The following KLF12 variants were observed in gnomAD, a reference collection of about 807,000 sequenced individuals.
KLF12 encodes the protein Krueppel-like factor 12.
In KLF12, 9 loss-of-function variants were observed where a neutral mutation model predicts 37.8. The ratio of observed to expected loss-of-function variants is 0.24; its 90% CI spans 0.14 to 0.42. The LOEUF (loss-of-function observed/expected upper bound fraction) is 0.42, where lower values mean the gene tolerates loss of function less well. Ranked by LOEUF, KLF12 falls within the 10% of genes least tolerant of loss-of-function variation. KLF12 has a pLI of 1.00. For synonymous variants in KLF12, 208 were observed against 202.1 expected, an observed-to-expected ratio of 1.03 and a Z score of -0.25; for missense variants, 411 against 516.0, an observed-to-expected ratio of 0.80 and a Z score of 1.97.
intron 3 of KLF12, among the ~76,000 whole-genome samples, chr13:73,888,866 C>T (rs1887359646): frequency 6.6e-6 from 1 of 152,152 alleles, no homozygotes; most frequent in African/African-American, 2.4e-5. Flanking sequence ...ATGGAGGCTC[C>T]ACTGCATTTG....
intron 1 of KLF12, among the ~76,000 whole-genome samples, chr13:74,078,195 G>A (rs890997241): frequency 1.3e-5 from 2 of 152,160 alleles, no homozygotes; most frequent in African/African-American, 4.8e-5. Flanking sequence ...TAATCAGGAG[G>A]AGTGCGCATT....
chr13:74,240,944 C>T, the KLF12 span, among the ~76,000 whole-genome samples: 7 of 150,448 alleles, frequency 4.7e-5, no homozygotes, highest in South Asian at 1.1e-3. Context: ...TCTCTCAGCT[C>T]GTCAAAGTCA....
intron 1 of KLF12, among the ~76,000 whole-genome samples, chr13:74,077,032 T>C (rs909574799): frequency 2.0e-5 from 3 of 152,196 alleles, no homozygotes; most frequent in Non-Finnish European, 4.4e-5. Context: ...ACATTTTCCT[T>C]ATCCAGTCTG....
chr13:74,231,068 T>A, the KLF12 span, among the ~76,000 whole-genome samples: 150 of 151,864 alleles, frequency 9.9e-4, 1 homozygote, highest in African/African-American at 3.4e-3. Flanking sequence ...GATACAGTAG[T>A]GTATAAACCA....
At chr13:74,199,835 C>T in the KLF12 span, among the ~76,000 whole-genome samples, 1,067 of 152,062 alleles carry the variant, frequency 7.0e-3, 11 homozygotes, top group African/African-American at 0.022. Context: ...TACAACAGGT[C>T]GTGGTGATCT....
rs145669432 is a variant in KLF12 at position 73,982,337 on chromosome 13, G to T, written c.33+12653C>A. On this transcript the variant is annotated intron_variant, in intron 2 of 7. Transcript: ENST00000377669. ...AAAAGAAATGAAGGAGGAGGAGGAG[G>T]TTCCATTTTGGGGATTTTCTTGGTC... 2.6e-4 allele frequency among the ~76,000 whole-genome samples: 39 copies of T among 152,316 alleles called. No individual in the cohort carries two copies. In the East Asian group the frequency reaches 4.2e-3, roughly 17 times the overall value.
chr13:74,217,159 A>G, the KLF12 span, among the ~76,000 whole-genome samples: 3 of 152,156 alleles, frequency 2.0e-5, no homozygotes, highest in East Asian at 5.8e-4. Context: ...TAAATGTTAG[A>G]TGATTCTTTT....
intron 3 of KLF12, among the ~76,000 whole-genome samples, chr13:73,917,402 T>A (rs1888899796): frequency 6.6e-6 from 1 of 152,170 alleles, no homozygotes; most frequent in African/African-American, 2.4e-5. Flanking sequence ...ACCTTGTAAA[T>A]CAGATATAAT....
At chr13:74,125,517 C>T (rs1877893928) in intron 1 of KLF12, among the ~76,000 whole-genome samples, 1 of 152,136 alleles carries the variant, frequency 6.6e-6, no homozygotes, top group South Asian at 2.1e-4. Context: ...ATAACTGAGG[C>T]ATGTTCTAAT....
chr13:74,024,930 T>C (rs988865336), intron 1 of KLF12, among the ~76,000 whole-genome samples: 1 of 152,202 alleles, frequency 6.6e-6, no homozygotes, highest in African/African-American at 2.4e-5. Flanking sequence ...CCCACTGTTT[T>C]CCTAACTATG....
intron 1 of KLF12, among the ~76,000 whole-genome samples, chr13:74,028,303 G>T (rs1438352777): frequency 6.6e-6 from 1 of 152,146 alleles, no homozygotes; most frequent in Non-Finnish European, 1.5e-5. Flanking sequence ...ATTTAATTAT[G>T]GTTGAAAACT....
intron 1 of KLF12, among the ~76,000 whole-genome samples, chr13:74,013,149 G>A (rs886315386): frequency 2.6e-5 from 4 of 152,232 alleles, no homozygotes; most frequent in African/African-American, 9.7e-5. Context: ...CCCTAACCTT[G>A]GGACATCCTG....
At chr13:73,898,713 C>T (rs1887902647) in intron 3 of KLF12, among the ~76,000 whole-genome samples, 1 of 152,232 alleles carries the variant, frequency 6.6e-6, no homozygotes, top group South Asian at 2.1e-4. Flanking sequence ...ATAAAAATGA[C>T]AGTACGCCCA....
Position 73,875,257 on chromosome 13 carries a change from T to C in KLF12, c.124-28884A>G, listed in dbSNP as rs114798757. The stretch of plus-strand genomic sequence containing the variant: ...GGTGAGCTTTTTGTCTTTTCTAATA[T>C]GTACATTTATTCTCTTTTAAGGTTA... On this transcript the variant is annotated intron_variant, in intron 3 of 7. Transcript: ENST00000377669. 6.5e-4 allele frequency among the ~76,000 whole-genome samples: 99 copies of C among 152,280 alleles called. 1 individual carries two copies. The highest frequency in any genetic ancestry group is 2.2e-3 in the African/African-American group (92 of 41,592).
At chr13:74,118,470 A>C (rs554443685) in intron 1 of KLF12, among the ~76,000 whole-genome samples, 1 of 152,204 alleles carries the variant, frequency 6.6e-6, no homozygotes, top group Non-Finnish European at 1.5e-5. Context: ...GTGCTTTATT[A>C]GTTATGTTGT....
chr13:74,065,734 C>T lies in KLF12; in HGVS notation c.-32+68005G>A, dbSNP rs146117919. 8.1e-4 allele frequency among the ~76,000 whole-genome samples: 123 copies of T among 152,094 alleles called. No homozygotes were observed. The East Asian group carries it at 9.9e-3, about 12-fold the overall frequency. ...TGACGTGAGGGAAGTGCATGAGCAA[C>T]GTGGCTTGGGACCGCAACTACAAAG... On this transcript the variant is annotated intron_variant, in intron 1 of 7. Coordinates refer to ENST00000377669, the MANE Select transcript of KLF12 (RefSeq NM_007249.5).
chr13:74,287,987 C>A, the KLF12 span, among the ~76,000 whole-genome samples: 2 of 142,066 alleles, frequency 1.4e-5, no homozygotes, highest in Admixed American at 7.0e-5. Context: ...CCAGGGAAAT[C>A]AACACTGTTA....
rs150609286 is a variant in KLF12, at chr13:74,105,690, T to C, written c.-32+28049A>G. On this transcript the variant is annotated intron_variant, in intron 1 of 7. Coordinates refer to ENST00000377669, the MANE Select transcript of KLF12 (RefSeq NM_007249.5). ...TTATTTGGCTTCCAACCTGGATGTG[T>C]TAACCTAAGCAGAACATCTGATGGA... 6.7e-3 allele frequency among the ~76,000 whole-genome samples: 1,019 copies of C among 152,246 alleles called. 6 individuals are homozygous for C. The highest frequency in any genetic ancestry group is 0.023 in the African/African-American group (955 of 41,550).
chr13:73,991,363 A>G (rs9592961), intron 2 of KLF12, among the ~76,000 whole-genome samples: 2,116 of 152,350 alleles, frequency 0.014, 40 homozygotes, highest in East Asian at 0.063. Flanking sequence ...CACCAAGTGC[A>G]TGTTAGAATT....
Sources: gnomAD v4.1 joint callset for allele counts (sites outside exome capture counted in the v4.1 genomes callset) on GRCh38, gnomAD v4.1.1 for gene constraint, MANE v1.5 for transcripts, NCBI Gene and HGNC (gene_info 2026-07-23, HGNC 2026-07-21) for gene names.